Variants in SHOC1 observed in about 807,000 individuals in gnomAD.
SHOC1 encodes shortage in chiasmata 1.
SHOC1 carries 136 observed loss-of-function variants against 179.2 expected under a neutral mutation model. That is an observed-to-expected ratio of 0.76 (90% CI 0.66 to 0.87). The LOEUF (loss-of-function observed/expected upper bound fraction) is 0.87, where lower values mean the gene tolerates loss of function less well. Among genes scored for constraint, SHOC1 ranks in the 40% least tolerant of loss-of-function variants. The pLI, the probability that SHOC1 is intolerant of heterozygous loss-of-function variation, is 0.00. For missense variants in SHOC1, 1,538 were observed against 1,700.8 expected, an observed-to-expected ratio of 0.90 and a Z score of 1.68; for synonymous variants, 489 against 586.6, an observed-to-expected ratio of 0.83 and a Z score of 2.41.
intron 4 of SHOC1, among the ~76,000 whole-genome samples, chr9:111,776,316 A>G (rs549864908): frequency 7.2e-5 from 11 of 152,214 alleles, no homozygotes; most frequent in Non-Finnish European, 1.3e-4. Flanking sequence ...TATTCAACCA[A>G]TTCTCTATTG....
intron 5 of SHOC1, among the ~76,000 whole-genome samples, chr9:111,768,670 T>G (rs1046093853): frequency 1.9e-4 from 29 of 152,246 alleles, no homozygotes; most frequent in African/African-American, 6.3e-4. Context: ...GCATAAATCT[T>G]TGTTTTTTCT....
intron 27 of SHOC1, among the ~76,000 whole-genome samples, chr9:111,689,507 C>A (rs962662548): frequency 1.5e-4 from 23 of 151,736 alleles, no homozygotes; most frequent in African/African-American, 5.1e-4. Flanking sequence ...ATGCTAATGG[C>A]TTTGGATAAA....
chr9:111,737,022 A>G (rs979549793), intron 12 of SHOC1, among the ~76,000 whole-genome samples: 27 of 152,228 alleles, frequency 1.8e-4, no homozygotes, highest in African/African-American at 6.5e-4. Context: ...ACCATTTCAT[A>G]TCATTCAGAA....
At chr9:111,709,688 G>A (rs1335631660) in intron 18 of SHOC1, among the ~76,000 whole-genome samples, 1 of 152,100 alleles carries the variant, frequency 6.6e-6, no homozygotes, top group Non-Finnish European at 1.5e-5. Flanking sequence ...CCAGATATGC[G>A]ATACAGAGTA....
At chr9:111,689,052 T>C (rs1361378853) in intron 27 of SHOC1, among the ~76,000 whole-genome samples, 1 of 152,062 alleles carries the variant, frequency 6.6e-6, no homozygotes, top group African/African-American at 2.4e-5. Flanking sequence ...GGGGATATAA[T>C]CTCATAATTG....
Position 111,691,658 on chromosome 9 carries a change from T to C in SHOC1, c.4319A>G (p.Gln1440Arg), listed in dbSNP as rs781628644. Residue 1440 changes from glutamine to arginine, a missense_variant, in exon 27 of 28, where the codon CAA becomes CGA. Gln to Arg is a conservative substitution (Grantham distance 43, BLOSUM62 1). Coordinates refer to ENST00000682961, the MANE Select transcript of SHOC1 (RefSeq NM_001378211.1). ...LFRASDSNANQKEFNSLYFYQ... is the reference protein window; with the variant it reads ...LFRASDSNANRKEFNSLYFYQ... ...GAAATAAAGGCTGTTGAATTCTTTT[T>C]GATTTGCATTAGAATCAGAAGCACG... 14 of 1,613,886 alleles carry C rather than the reference T, an allele frequency of 8.7e-6. No homozygotes were observed. Among genetic ancestry groups the C allele is most frequent in the Non-Finnish European group, 1.2e-5 (14 of 1,179,970 alleles).
chr9:111,745,539 G>A (rs1304185464), intron 10 of SHOC1, among the ~76,000 whole-genome samples: 1 of 152,164 alleles, frequency 6.6e-6, no homozygotes, highest in Non-Finnish European at 1.5e-5. Flanking sequence ...TTAATACAAT[G>A]TGACTGGTAT....
Position 111,764,962 on chromosome 9 carries a change from G to A in SHOC1, c.443-6114C>T, listed in dbSNP as rs187079809. ...TCGAGACCAGCCAGGCCAAAATGGCGAAACTCTATCTCTACTAAAAATATA... is the reference window on the plus strand; with the variant it reads ...TCGAGACCAGCCAGGCCAAAATGGCAAAACTCTATCTCTACTAAAAATATA... On this transcript the variant is annotated intron_variant, in intron 5 of 27. Transcript: ENST00000682961. Among the ~76,000 whole-genome samples the A allele has an allele frequency of 2.3e-4, 35 of 152,044 alleles. 1 individual carries two copies. The East Asian group carries it at 2.9e-3, about 13-fold the overall frequency.
intron 16 of SHOC1, among the ~76,000 whole-genome samples, chr9:111,717,953 A>G (rs1401072603): frequency 6.6e-6 from 1 of 152,180 alleles, no homozygotes; most frequent in Non-Finnish European, 1.5e-5. Flanking sequence ...AGAATCCTAA[A>G]CCTATTTTTC....
chr9:111,780,298 G>A (rs1226169381), intron 4 of SHOC1, among the ~76,000 whole-genome samples: 4 of 152,120 alleles, frequency 2.6e-5, no homozygotes, highest in Non-Finnish European at 5.9e-5. Context: ...CTGGATCAGC[G>A]TTCTGTGCAT....
chr9:111,791,181 CTT>C (rs1467903007), intron 2 of SHOC1, among the ~76,000 whole-genome samples, 191 bp downstream of exon 2: 1 of 152,000 alleles, frequency 6.6e-6, no homozygotes, highest in Non-Finnish European at 1.5e-5. Context: ...TGTGTTTAGA[CTT>C]GGGTCTTATC....
Position 111,775,934 on chromosome 9 carries a change from A to C in SHOC1, c.299T>G (p.Phe100Cys), listed in dbSNP as rs767826460. The change falls in exon 5 of 28, where the codon TTT becomes TGT. Residue 100 changes from phenylalanine to cysteine, a missense_variant. By Grantham distance (205) the Phe-to-Cys change is radical. Transcript: ENST00000682961. ...ATTTGAACTTGGAACAACTTCCTCA[A>C]ATTCACAATTAATCTGGGTCACCAT... ...TRMVTQINCEFEEVVPSSNPD... is the reference protein window; with the variant it reads ...TRMVTQINCECEEVVPSSNPD... 6.2e-7 allele frequency: 1 copy of C among 1,613,416 alleles called. No homozygotes were observed. Among genetic ancestry groups the C allele is most frequent in the Non-Finnish European group, 8.5e-7 (1 of 1,179,774 alleles).
intron 10 of SHOC1, among the ~76,000 whole-genome samples, chr9:111,745,772 C>T (rs1834247819): frequency 6.6e-6 from 1 of 152,220 alleles, no homozygotes; most frequent in Non-Finnish European, 1.5e-5. Context: ...CAAACTAATA[C>T]ACCACTACAT....
At chr9:111,733,369 A>T (rs1833675972) in intron 12 of SHOC1, among the ~76,000 whole-genome samples, 1 of 152,184 alleles carries the variant, frequency 6.6e-6, no homozygotes, top group African/African-American at 2.4e-5. Context: ...TGTAAGACAA[A>T]AAGGTCAGAT....
intron 14 of SHOC1, among the ~76,000 whole-genome samples, chr9:111,723,002 G>A (rs988554494): frequency 1.3e-5 from 2 of 152,042 alleles, no homozygotes; most frequent in African/African-American, 2.4e-5. Flanking sequence ...GGATGGTCTC[G>A]ATCTCTTGAC....
In SHOC1 at chr9:111,723,924, A is replaced by T; in HGVS notation, c.1835-13T>A. 6.7e-7 allele frequency: 1 copy of T among 1,482,472 alleles called. No homozygotes were observed. The highest frequency in any genetic ancestry group is 9.1e-7 in the Non-Finnish European group (1 of 1,095,822). The allele number at this position is 1,482,472 out of a possible 1,614,324, so 91.8% of individuals were successfully genotyped here. ...CATGCTTCTTTATCTTGAAATTCCA[A>T]TAAAAAATATAAATTTTTGTTGTTC... On this transcript the variant is annotated splice_polypyrimidine_tract_variant and intron_variant, in intron 13 of 27. Coordinates refer to ENST00000682961, the MANE Select transcript of SHOC1 (RefSeq NM_001378211.1).
At chr9:111,712,399 G>A (rs1269347748) in intron 18 of SHOC1, among the ~76,000 whole-genome samples, 1 of 152,166 alleles carries the variant, frequency 6.6e-6, no homozygotes, top group Non-Finnish European at 1.5e-5. Context: ...GAGGAATAAT[G>A]TTTTGAAAAT....
intron 8 of SHOC1, among the ~76,000 whole-genome samples, chr9:111,756,036 C>T (rs913059770): frequency 1.4e-4 from 22 of 152,098 alleles, no homozygotes; most frequent in Non-Finnish European, 3.2e-4. Flanking sequence ...GTGGGAGAAT[C>T]GCTTGAACCT....
intron 12 of SHOC1, among the ~76,000 whole-genome samples, chr9:111,734,051 C>A (rs1833710002): frequency 1.3e-5 from 2 of 152,094 alleles, no homozygotes; most frequent in South Asian, 4.1e-4. Context: ...AGCACCCCTA[C>A]CCTGACCGCT....
Sources: allele counts gnomAD v4.1 joint callset (sites outside exome capture counted in the v4.1 genomes callset), GRCh38; gene constraint gnomAD v4.1.1; transcripts MANE v1.5; gene names NCBI Gene and HGNC (gene_info 2026-07-23, HGNC 2026-07-21).